Variants in TMEM132B observed in about 807,000 individuals in gnomAD.
TMEM132B encodes the protein transmembrane protein 132B.
Under a neutral mutation model 90.8 loss-of-function variants are expected in TMEM132B, and 18 were observed. The observed-to-expected ratio is 0.20, with a 90% CI of 0.14 to 0.29. The LOEUF (loss-of-function observed/expected upper bound fraction) is 0.29. Among genes scored for constraint, TMEM132B ranks in the 10% least tolerant of loss-of-function variants. TMEM132B has a pLI of 1.00. For missense variants in TMEM132B, 1,096 were observed against 1,326.8 expected, an observed-to-expected ratio of 0.83 and a Z score of 2.70; for synonymous variants, 504 against 523.3, an observed-to-expected ratio of 0.96 and a Z score of 0.50.
intron 1 of TMEM132B, among the ~76,000 whole-genome samples, chr12:125,227,641 C>T (rs1202774648): frequency 6.6e-6 from 1 of 152,144 alleles, no homozygotes; most frequent in East Asian, 1.9e-4. Context: ...TCCCCTCTCT[C>T]AGGATCACAT....
rs746775374 is a variant in TMEM132B, at chr12:125,650,914, G to A, written c.1875G>A (p.Arg625=). 1 of 1,613,258 alleles carries A rather than the reference G, an allele frequency of 6.2e-7. No individual in the cohort carries two copies. The highest frequency in any genetic ancestry group is 8.5e-7 in the Non-Finnish European group (1 of 1,179,998). Residue 625 remains arginine, a synonymous_variant, in exon 7 of 9, where the codon AGG becomes AGA. Coordinates refer to ENST00000682704, the MANE Select transcript of TMEM132B (RefSeq NM_001366854.1). The part of the protein sequence containing the change: ...EPKIAQLQDG[R]TLAGREPGIT... ...AAATCGCTCAGTTACAGGACGGCAG[G>A]ACCCTGGCTGGTCGGGAGCCGGGAA...
rs1192367830 is a variant in TMEM132B at position 125,407,997 on chromosome 12, G to T, written c.960-7534G>T. Among the ~76,000 whole-genome samples the T allele has an allele frequency of 6.6e-6, 1 of 152,218 alleles. No individual in the cohort carries two copies. Among genetic ancestry groups the T allele is most frequent in the African/African-American group, 2.4e-5 (1 of 41,454 alleles). ...CATGCAGAAGGAGAGACAGAGCATG[G>T]CAGGGTCCCCAGAAGCCCAGCAGGA... On this transcript the variant is annotated intron_variant, in intron 2 of 8. Coordinates refer to ENST00000682704, the MANE Select transcript of TMEM132B (RefSeq NM_001366854.1). This position sits in a 1 kb window ranked among gnomAD's most constrained non-coding sequence, Gnocchi z 6.7.
intron 1 of TMEM132B, among the ~76,000 whole-genome samples, chr12:125,198,762 C>T (rs1267113563): frequency 2.6e-5 from 4 of 152,152 alleles, no homozygotes; most frequent in Non-Finnish European, 4.4e-5. Flanking sequence ...TGGTGAGAAC[C>T]GGCAGGTCTG....
At chr12:125,384,864 C>A (rs1415351188) in intron 2 of TMEM132B, among the ~76,000 whole-genome samples, 2 of 152,190 alleles carry the variant, frequency 1.3e-5, no homozygotes, top group African/African-American at 4.8e-5. Context: ...GTTGGCTAGG[C>A]TGGTCTTGAA....
chr12:125,317,102 C>T (rs562218889), intron 1 of TMEM132B, among the ~76,000 whole-genome samples: 6 of 152,176 alleles, frequency 3.9e-5, no homozygotes, highest in African/African-American at 7.2e-5. Flanking sequence ...CTTGTTATCC[C>T]GATCCTTCTC....
At chr12:125,450,907 T>C (rs1041186397) in intron 3 of TMEM132B, among the ~76,000 whole-genome samples, 8 of 152,288 alleles carry the variant, frequency 5.3e-5, no homozygotes, top group Non-Finnish European at 1.2e-4. Context: ...CAATGTGTGA[T>C]TTAACTGGAT....
chr12:125,236,344 A>G (rs569595503), intron 1 of TMEM132B, among the ~76,000 whole-genome samples: 2 of 150,946 alleles, frequency 1.3e-5, no homozygotes, highest in South Asian at 4.2e-4. Context: ...TTTAGTTGAG[A>G]TGGGATTTTG....
intron 1 of TMEM132B, among the ~76,000 whole-genome samples, chr12:125,264,270 A>G (rs1400661620): frequency 1.3e-5 from 2 of 152,120 alleles, no homozygotes; most frequent in African/African-American, 2.4e-5. Context: ...TGCACCCACC[A>G]TGGTAATCCA....
intron 2 of TMEM132B, among the ~76,000 whole-genome samples, chr12:125,374,914 A>G (rs956105966): frequency 1.3e-5 from 2 of 152,150 alleles, no homozygotes; most frequent in African/African-American, 4.8e-5. Context: ...ATTTTGTAGC[A>G]GGGCTAGATT....
chr12:125,509,998 G>T (rs183220110), intron 3 of TMEM132B, among the ~76,000 whole-genome samples: 2 of 152,326 alleles, frequency 1.3e-5, no homozygotes, highest in East Asian at 3.9e-4. Context: ...GTTGGTAATA[G>T]AAAGAAACAG....
intron 3 of TMEM132B, among the ~76,000 whole-genome samples, chr12:125,463,773 C>G (rs750524650): frequency 1.3e-5 from 2 of 152,168 alleles, no homozygotes; most frequent in Non-Finnish European, 2.9e-5. Flanking sequence ...CCCTATTAGT[C>G]CATTTTCACA....
At chr12:125,340,929 C>G (rs142341427) in intron 1 of TMEM132B, among the ~76,000 whole-genome samples, 108 of 152,336 alleles carry the variant, frequency 7.1e-4, no homozygotes, top group African/African-American at 2.4e-3. Context: ...ATGTCATGCC[C>G]TGCAGGGGCC....
Position 125,460,899 on chromosome 12 carries a change from A to G in TMEM132B, c.1106+45222A>G, listed in dbSNP as rs1311173721. On this transcript the variant is annotated intron_variant, in intron 3 of 8. Transcript: ENST00000682704. The surrounding 1 kb of genome is among the most constrained non-coding windows in gnomAD (Gnocchi z 4.4). Reference sequence around the variant, plus strand: ...TTGTTGTCATCATGAAAGTTTTAAAAAAGATCTTTACAATTTTGCTCCTCT... The same window carrying G: ...TTGTTGTCATCATGAAAGTTTTAAAGAAGATCTTTACAATTTTGCTCCTCT... 6.6e-6 allele frequency among the ~76,000 whole-genome samples: 1 copy of G among 152,242 alleles called. No individual in the cohort carries two copies. Among genetic ancestry groups the G allele is most frequent in the East Asian group, 1.9e-4 (1 of 5,194 alleles).
At chr12:125,523,570 A>T (rs566707504) in intron 4 of TMEM132B, among the ~76,000 whole-genome samples, 98 of 152,074 alleles carry the variant, frequency 6.4e-4, no homozygotes, top group South Asian at 3.9e-3. Context: ...AGGTTCTGGG[A>T]TTAGGACGTG....
intron 1 of TMEM132B, among the ~76,000 whole-genome samples, chr12:125,270,769 A>G (rs1395214933): frequency 9.1e-6 from 1 of 109,362 alleles, no homozygotes; most frequent in Non-Finnish European, 1.7e-5. Context: ...AGGCTCCTGC[A>G]GAGACTCTGT....
At chr12:125,636,064 A>T (rs1243996358) in intron 5 of TMEM132B, among the ~76,000 whole-genome samples, 1 of 151,924 alleles carries the variant, frequency 6.6e-6, no homozygotes, top group East Asian at 1.9e-4. Context: ...TCCCTTTTCT[A>T]CCTCTTCAGT....
intron 3 of TMEM132B, among the ~76,000 whole-genome samples, chr12:125,468,345 T>C (rs2136490150): frequency 6.6e-6 from 1 of 152,390 alleles, no homozygotes; most frequent in South Asian, 2.1e-4. Context: ...AGTTTGGCTG[T>C]ATTTTCTGTC....
chr12:125,565,562 G>A (rs1248610760), intron 4 of TMEM132B, among the ~76,000 whole-genome samples: 2 of 152,216 alleles, frequency 1.3e-5, no homozygotes, highest in Non-Finnish European at 2.9e-5. Context: ...GTGAATGTGA[G>A]GGTTTTATTG....
At position 125,351,024 on chromosome 12, in the gene TMEM132B, A is replaced by G. The variant is rs1877557884; in HGVS notation, c.959+681A>G. Among the ~76,000 whole-genome samples the G allele has an allele frequency of 2.6e-5, 4 of 152,280 alleles. No individual in the cohort carries two copies. In the South Asian group the frequency reaches 8.3e-4, roughly 32 times the overall value. On this transcript the variant is annotated intron_variant, in intron 2 of 8. Transcript: ENST00000682704. ...GAAGTTTTTTAGTGCGGGGGTTTGG[A>G]TGGAGTTGTCATGTGCTGAGAGTTC...
Sources: allele counts gnomAD v4.1 joint callset (sites outside exome capture counted in the v4.1 genomes callset), GRCh38; gene constraint gnomAD v4.1.1; non-coding constraint Gnocchi (gnomAD v3.1); transcripts MANE v1.5; gene names NCBI Gene and HGNC (gene_info 2026-07-23, HGNC 2026-07-21).